MARCHF3: variants seen among roughly 807,000 people sequenced by gnomAD.
The protein encoded by MARCHF3 is E3 ubiquitin-protein ligase MARCHF3.
A neutral mutation model predicts 24.2 loss-of-function variants in MARCHF3; 13 were observed. The observed-to-expected ratio is 0.54, with a 90% CI of 0.35 to 0.85. The LOEUF is 0.85. Ranked by LOEUF, MARCHF3 falls within the 40% of genes least tolerant of loss-of-function variation. The pLI is 0.01. For missense variants in MARCHF3, 276 were observed against 325.0 expected (o/e 0.85, Z 1.16); for synonymous variants, 144 against 137.3 (o/e 1.05, Z -0.34).
rs142884336 is a variant in MARCHF3 at position 126,898,273 on chromosome 5, A to T, written c.393+16657T>A. ...GAGACTGGAAGACCCTTTAGTTAAG[A>T]AAAATCTGAAGTATCCTATAGATTT... On this transcript the variant is annotated intron_variant, in intron 3 of 4. Coordinates refer to ENST00000308660, the MANE Select transcript of MARCHF3 (RefSeq NM_178450.5). Among the ~76,000 whole-genome samples, 329 of 152,216 alleles carry T rather than the reference A, an allele frequency of 2.2e-3. 8 individuals are homozygous for T. Among genetic ancestry groups the T allele is most frequent in the Admixed American group, 3.0e-3 (46 of 15,254 alleles).
chr5:126,932,849 T>C (rs1749522905), intron 1 of MARCHF3, among the ~76,000 whole-genome samples: 1 of 152,206 alleles, frequency 6.6e-6, no homozygotes, highest in Admixed American at 6.5e-5. Flanking sequence ...GTAGCTACTC[T>C]GAAGCATTTT....
chr5:127,019,684 G>A (rs1317084393), intron 1 of MARCHF3, among the ~76,000 whole-genome samples: 1 of 152,182 alleles, frequency 6.6e-6, no homozygotes, highest in Non-Finnish European at 1.5e-5. Context: ...AGAGATGAAA[G>A]GACCCTGTTT....
At chr5:127,010,731 T>C (rs1403441385) in intron 1 of MARCHF3, among the ~76,000 whole-genome samples, 3 of 152,176 alleles carry the variant, frequency 2.0e-5, no homozygotes, top group African/African-American at 7.2e-5. Context: ...TTATTCAGCC[T>C]TAAAAAGGTA....
intron 3 of MARCHF3, among the ~76,000 whole-genome samples, chr5:126,903,359 C>A (rs1754168755): frequency 6.6e-6 from 1 of 152,020 alleles, no homozygotes; most frequent in Non-Finnish European, 1.5e-5. Flanking sequence ...CAACACAATG[C>A]ACTTATGACA....
intron 1 of MARCHF3, among the ~76,000 whole-genome samples, chr5:126,991,386 C>T (rs1163531529): frequency 2.6e-5 from 4 of 151,926 alleles, no homozygotes; most frequent in East Asian, 1.9e-4. Flanking sequence ...CATCACACAC[C>T]GGGGCCTGTT....
chr5:126,885,413 C>A (rs1753477535), intron 3 of MARCHF3, among the ~76,000 whole-genome samples: 1 of 151,878 alleles, frequency 6.6e-6, no homozygotes, highest in African/African-American at 2.4e-5. Flanking sequence ...ACTAAAAATA[C>A]AAAATGATCC....
Position 126,870,456 on chromosome 5 carries a change from C to G in MARCHF3, c.*177G>C, listed in dbSNP as rs1752927516. ...GCAGCATCCATCATTTGAAGTAAAA[C>G]AGCATTTGCTTTCTTCTGGCGGAGG... On this transcript the variant is annotated 3_prime_UTR_variant, in exon 5 of 5. Coordinates refer to ENST00000308660, the MANE Select transcript of MARCHF3 (RefSeq NM_178450.5). The G allele has an allele frequency of 3.7e-6, 2 of 535,646 alleles. No individual in the cohort carries two copies. Among genetic ancestry groups the G allele is most frequent in the Non-Finnish European group, 6.7e-6 (2 of 297,760 alleles). The allele number at this position is 535,646 out of a possible 1,614,324, so 33.2% of individuals were successfully genotyped here.
At chr5:126,933,951 CTT>C (rs540020602) in intron 1 of MARCHF3, among the ~76,000 whole-genome samples, 127 of 152,300 alleles carry the variant, frequency 8.3e-4, no homozygotes, top group Non-Finnish European at 1.5e-3. Flanking sequence ...AAGTCATTCT[CTT>C]TATTTCTTTC....
intron 3 of MARCHF3, among the ~76,000 whole-genome samples, chr5:126,893,337 T>G (rs7446505): frequency 0.52 from 77,768 of 148,800 alleles, 20,997 homozygotes; most frequent in East Asian, 0.79. Flanking sequence ...GCTAGCTTTT[T>G]AATGTGTTTG....
intron 2 of MARCHF3, among the ~76,000 whole-genome samples, chr5:126,916,506 T>A (rs894701936): frequency 2.0e-5 from 3 of 151,830 alleles, no homozygotes; most frequent in African/African-American, 4.8e-5. Flanking sequence ...AAGGAAAGGA[T>A]CTCCCTCCCA....
chr5:127,030,317 G>A (rs933944513), intron 1 of MARCHF3, 33 bp downstream of exon 1: 9 of 152,240 alleles, frequency 5.9e-5, no homozygotes, highest in African/African-American at 1.9e-4. Flanking sequence ...ACCGCGCCGA[G>A]AGGAGCCGCT....
intron 4 of MARCHF3, 122 bp downstream of exon 4, chr5:126,878,063 C>T: frequency 1.1e-6 from 1 of 876,940 alleles, no homozygotes; most frequent in Non-Finnish European, 1.8e-6. Flanking sequence ...CTCCCGCCAG[C>T]AATCGAAGGT....
Position 126,870,732 on chromosome 5 carries a change from C to G in MARCHF3, c.663G>C (p.Val221=). 2 of 1,614,228 alleles carry G rather than the reference C, an allele frequency of 1.2e-6. No individual in the cohort carries two copies. Among genetic ancestry groups the G allele is most frequent in the Non-Finnish European group, 1.7e-6 (2 of 1,180,042 alleles). The part of the protein sequence containing the change: ...YNEWRRTNQR[V]ILLIPKSVNV... ...TGACAGACTTTGGAATGAGGAGAAT[C>G]ACCCTCTGATTGGTCCGACGCCACT... Residue 221 remains valine (V), a synonymous_variant, in exon 5 of 5, where the codon GTG becomes GTC. Coordinates refer to ENST00000308660, the MANE Select transcript of MARCHF3 (RefSeq NM_178450.5).
At chr5:126,935,882 A>T (rs907073335) in intron 1 of MARCHF3, among the ~76,000 whole-genome samples, 1 of 152,096 alleles carries the variant, frequency 6.6e-6, no homozygotes, top group Non-Finnish European at 1.5e-5. Context: ...AAGTGCTGGG[A>T]TTACAGGCAT....
intron 1 of MARCHF3, among the ~76,000 whole-genome samples, chr5:126,984,327 G>A (rs1412249401): frequency 6.6e-6 from 1 of 152,170 alleles, no homozygotes; most frequent in Admixed American, 6.5e-5. Context: ...AAATAAGCAG[G>A]ACAGGCACCC....
intron 4 of MARCHF3, among the ~76,000 whole-genome samples, chr5:126,877,964 C>A (rs1753217837): frequency 6.6e-6 from 1 of 152,150 alleles, no homozygotes; most frequent in South Asian, 2.1e-4. Flanking sequence ...AGAAGCCAAA[C>A]TTTTTCTTTA....
intron 1 of MARCHF3, among the ~76,000 whole-genome samples, chr5:126,934,132 T>C (rs1336268191): frequency 6.6e-6 from 1 of 152,212 alleles, no homozygotes; most frequent in Non-Finnish European, 1.5e-5. Flanking sequence ...GAATAGTTTA[T>C]AGAACTTCCC....
At position 126,918,034 on chromosome 5, in the gene MARCHF3, G is replaced by C. The variant is rs1360108679; in HGVS notation, c.138C>G (p.Ala46=). Residue 46 remains alanine, a synonymous_variant, in exon 2 of 5, where the codon GCC becomes GCG. Coordinates refer to ENST00000308660, the MANE Select transcript of MARCHF3 (RefSeq NM_178450.5). ...CTGTTGACAGCAGCTGCCCGTCCTT[G>C]GCTGAAACTTGCATGACATACTGCG... ...GQPQYVMQVS[A]KDGQLLSTVV... 2 of 1,614,134 alleles carry C rather than the reference G, an allele frequency of 1.2e-6. No individual in the cohort carries two copies. Among genetic ancestry groups the C allele is most frequent in the Non-Finnish European group, 1.7e-6 (2 of 1,180,028 alleles).
intron 1 of MARCHF3, among the ~76,000 whole-genome samples, chr5:126,919,979 G>A (rs923089968): frequency 6.6e-6 from 1 of 152,174 alleles, no homozygotes; most frequent in Non-Finnish European, 1.5e-5. Flanking sequence ...TGAACATTCA[G>A]CACAGTCAGT....
Sources: allele counts gnomAD v4.1 joint callset (sites outside exome capture counted in the v4.1 genomes callset), GRCh38; gene constraint gnomAD v4.1.1; transcripts MANE v1.5; gene names NCBI Gene and HGNC (gene_info 2026-07-23, HGNC 2026-07-21).